Variants in WFDC6 observed in about 807,000 individuals in gnomAD.
WFDC6 encodes WAP four-disulfide core domain protein 6.
In WFDC6, 10 loss-of-function variants were observed where a neutral mutation model predicts 8.2. The ratio of observed to expected loss-of-function variants is 1.22; its 90% CI spans 0.75 to 2.07. The LOEUF (loss-of-function observed/expected upper bound fraction) is 2.07, where lower values mean the gene tolerates loss of function less well. WFDC6 is among the 30% of genes most tolerant of loss of function. WFDC6 has a pLI of 0.00. For missense variants in WFDC6, 105 were observed against 104.9 expected (o/e 1.00, Z 0.00); for synonymous variants, 28 against 37.0 (o/e 0.76, Z 0.88).
At chr20:45,538,766 A>G (rs1979471501) in intron 1 of WFDC6, among the ~76,000 whole-genome samples, 1 of 152,188 alleles carries the variant, frequency 6.6e-6, no homozygotes, top group Non-Finnish European at 1.5e-5. Context: ...TCACACAGCT[A>G]CTCAGGGGTG....
chr20:45,538,307 T>G (rs756005192), intron 1 of WFDC6, among the ~76,000 whole-genome samples: 1 of 152,098 alleles, frequency 6.6e-6, no homozygotes, highest in Non-Finnish European at 1.5e-5. Context: ...AACCAACCCC[T>G]ACCCCCTACC....
At chr20:45,534,903 C>T (rs1409795938) in intron 2 of WFDC6, among the ~76,000 whole-genome samples, 4 of 152,184 alleles carry the variant, frequency 2.6e-5, no homozygotes, top group Non-Finnish European at 5.9e-5. Context: ...ACCGGGCTTC[C>T]GTCTGACCTG....
chr20:45,538,138 C>T (rs1380525572), intron 1 of WFDC6, 44 bp from the exon 2 acceptor site: 2 of 1,612,554 alleles, frequency 1.2e-6, no homozygotes, highest in Non-Finnish European at 1.7e-6. Context: ...TTAAAGGAGC[C>T]AGTGCTCCCC....
chr20:45,538,206 T>A, intron 1 of WFDC6, 112 bp from the exon 2 acceptor site: 1 of 1,561,144 alleles, frequency 6.4e-7, no homozygotes, highest in Non-Finnish European at 8.7e-7. Flanking sequence ...ACTTCACCTA[T>A]CCCCAGAAGG....
At position 45,534,415 on chromosome 20, in the gene WFDC6, T is replaced by C. The variant is rs1269679976; in HGVS notation, c.*52A>G. ...GGCCCGTGGAAGCCAATTTGGAGCA[T>C]CAATCAGGCACACGTGGAGAGAGGC... On this transcript the variant is annotated 3_prime_UTR_variant, in exon 3 of 3. Coordinates refer to ENST00000372670, the MANE Select transcript of WFDC6 (RefSeq NM_080827.2). The C allele has an allele frequency of 1.9e-6, 3 of 1,610,576 alleles. No individual in the cohort carries two copies. In the Middle Eastern group the frequency reaches 5.0e-4, roughly 266 times the overall value.
intron 2 of WFDC6, chr20:45,536,651 G>C (rs80255095): frequency 1.2e-4 from 18 of 152,316 alleles, no homozygotes; most frequent in African/African-American, 4.3e-4. Flanking sequence ...AACTAGCCCA[G>C]CTTCATCTTC....
At chr20:45,538,416 G>A (rs1290184754) in intron 1 of WFDC6, among the ~76,000 whole-genome samples, 5 of 152,170 alleles carry the variant, frequency 3.3e-5, no homozygotes, top group Non-Finnish European at 7.3e-5. Context: ...AGGAGGTGCT[G>A]TGGCTCTCGA....
chr20:45,535,770 T>G (rs1472911210), intron 2 of WFDC6, among the ~76,000 whole-genome samples: 1 of 152,182 alleles, frequency 6.6e-6, no homozygotes, highest in Non-Finnish European at 1.5e-5. Context: ...TGCTCAACAT[T>G]GGTTTCCAGA....
chr20:45,539,062 A>G (rs534760310), intron 1 of WFDC6, among the ~76,000 whole-genome samples: 45 of 152,006 alleles, frequency 3.0e-4, no homozygotes, highest in Admixed American at 9.2e-4. Context: ...AGTTCATTTC[A>G]TGAGCTCTAG....
intron 1 of WFDC6, among the ~76,000 whole-genome samples, chr20:45,538,595 G>T (rs1265889290): frequency 6.6e-6 from 1 of 152,172 alleles, no homozygotes; most frequent in Non-Finnish European, 1.5e-5. Context: ...ACTGCCTGGG[G>T]CAATGTAACG....
At position 45,539,365 on chromosome 20, in the gene WFDC6, G is replaced by T; in HGVS notation, c.43C>A (p.Leu15Ile). The change falls in exon 1 of 3, where the codon CTT becomes ATT. Residue 15 changes from leucine (L) to isoleucine (I), a missense_variant. Leu to Ile is a conservative substitution (Grantham distance 5, BLOSUM62 2). Coordinates refer to ENST00000372670, the MANE Select transcript of WFDC6 (RefSeq NM_080827.2). ...CCAGGTTCCTGGATGTCCCCCAAAA[G>T]GATGAATGGTACCAGGATTGGCAGA... is the stretch of plus-strand genomic sequence containing the variant. ...GLLPILVPFI[L>I]LGDIQEPGHA... 5 of 1,613,918 alleles carry T rather than the reference G, an allele frequency of 3.1e-6. No homozygotes were observed. Among genetic ancestry groups the T allele is most frequent in the Non-Finnish European group, 4.2e-6 (5 of 1,179,862 alleles).
chr20:45,537,340 GA>G (rs1798619781), intron 2 of WFDC6: 7 of 624,750 alleles, frequency 1.1e-5, no homozygotes, highest in South Asian at 2.0e-5. Context: ...CTCTTTCCCA[GA>G]AAAACTTTTC....
intron 2 of WFDC6, among the ~76,000 whole-genome samples, 164 bp downstream of exon 2, chr20:45,537,800 C>T (rs1913952147): frequency 6.6e-6 from 1 of 151,984 alleles, no homozygotes; most frequent in African/African-American, 2.4e-5. Context: ...GAAATAAAAT[C>T]CATGTCTCCC....
chr20:45,535,449 G>C, intron 2 of WFDC6: 1 of 1,136,868 alleles, frequency 8.8e-7, no homozygotes, highest in Non-Finnish European at 1.1e-6. Context: ...TTGCCTCAGG[G>C]CTCTGTTCCC....
At chr20:45,535,380 AATGT>A in intron 2 of WFDC6, 2 of 1,253,722 alleles carry the variant, frequency 1.6e-6, no homozygotes, top group Admixed American at 2.7e-5. Context: ...CTCCCTGGAG[AATGT>A]CCATCTCTCC....
intron 2 of WFDC6, chr20:45,537,145 C>A: frequency 5.0e-6 from 1 of 199,796 alleles, no homozygotes; most frequent in Non-Finnish European, 1.0e-5. Flanking sequence ...TTCAAGTTGC[C>A]CTGAATATAC....
In WFDC6 at chr20:45,534,474, A is replaced by C; in HGVS notation, c.254T>G (p.Leu85Arg). Residue 85 changes from leucine (L) to arginine (R), a missense_variant, in exon 3 of 3, where the codon CTT becomes CGT. Leu to Arg is a moderately radical substitution (Grantham distance 102). Transcript: ENST00000372670. ...VSLTLYHKEE[L>R]E The stretch of plus-strand genomic sequence containing the variant: ...TGAGCCAAATCCTGGAGGTTATTCA[A>C]GCTCCTCCTTATGGTATAAAGTAAG... 6.2e-7 allele frequency: 1 copy of C among 1,614,052 alleles called. No individual in the cohort carries two copies. Among genetic ancestry groups the C allele is most frequent in the Non-Finnish European group, 8.5e-7 (1 of 1,179,926 alleles).
At chr20:45,537,831 T>C (rs1209816011) in intron 2 of WFDC6, 133 bp downstream of exon 2, 20 of 1,507,358 alleles carry the variant, frequency 1.3e-5, no homozygotes, top group Non-Finnish European at 1.7e-5. Flanking sequence ...CTGGCAGATT[T>C]GTGTCAAGTA....
intron 2 of WFDC6, among the ~76,000 whole-genome samples, chr20:45,536,186 C>T (rs1282078332): frequency 6.6e-6 from 1 of 151,240 alleles, no homozygotes; most frequent in Non-Finnish European, 1.5e-5. Flanking sequence ...CATCTTATGC[C>T]ATCTTGATAC....
Sources: allele counts gnomAD v4.1 joint callset (sites outside exome capture counted in the v4.1 genomes callset), GRCh38; gene constraint gnomAD v4.1.1; transcripts MANE v1.5; gene names NCBI Gene and HGNC (gene_info 2026-07-23, HGNC 2026-07-21).